SMCO2: variants seen among roughly 807,000 people sequenced by gnomAD.
The protein encoded by SMCO2 is single-pass membrane and coiled-coil domain-containing protein 2.
SMCO2 carries 25 observed loss-of-function variants against 29.5 expected under a neutral mutation model. The ratio of observed to expected loss-of-function variants is 0.85; its 90% CI spans 0.62 to 1.18. The LOEUF is 1.18. Ranked by LOEUF, SMCO2 falls within the 50% of genes most tolerant of loss-of-function variation. The pLI, the probability that SMCO2 is intolerant of heterozygous loss-of-function variation, is 0.00. For synonymous variants in SMCO2, 117 were observed against 123.3 expected, an observed-to-expected ratio of 0.95 and a Z score of 0.34; for missense variants, 348 against 344.5, an observed-to-expected ratio of 1.01 and a Z score of -0.08.
chr12:27,430,607 G>A, the SMCO2 span, among the ~76,000 whole-genome samples: 1 of 152,134 alleles, frequency 6.6e-6, no homozygotes, highest in South Asian at 2.1e-4. Flanking sequence ...TTTATTCTTG[G>A]AACCATCTGC....
intron 1 of SMCO2, among the ~76,000 whole-genome samples, chr12:27,469,647 C>T (rs1335133861): frequency 6.6e-6 from 1 of 152,202 alleles, no homozygotes; most frequent in East Asian, 1.9e-4. Context: ...CTTGAATATA[C>T]AGAAGAGAAG....
chr12:27,497,732 CAA>C (rs544348765), intron 7 of SMCO2: 677 of 89,062 alleles, frequency 7.6e-3, no homozygotes, highest in Middle Eastern at 0.024. Flanking sequence ...GACCTGGTCT[CAA>C]AAAAAAAAAA....
At chr12:27,428,366 G>A in the SMCO2 span, among the ~76,000 whole-genome samples, 27 of 152,160 alleles carry the variant, frequency 1.8e-4, no homozygotes, top group African/African-American at 6.5e-4. Context: ...GATGGAGCTG[G>A]TTAGGTCAGA....
At chr12:27,462,974 C>A (rs1259817962), upstream of SMCO2, among the ~76,000 whole-genome samples, 1 of 152,156 alleles carries the variant, frequency 6.6e-6, no homozygotes. Context: ...CAGGGGGTGG[C>A]CTGGTGGCTG....
chr12:27,495,488 C>T (rs1190141726), intron 6 of SMCO2, among the ~76,000 whole-genome samples, 192 bp from the exon 8 acceptor site: 1 of 150,506 alleles, frequency 6.6e-6, no homozygotes, highest in East Asian at 1.9e-4. Flanking sequence ...CGTAGTGCTA[C>T]CTTACACTGT....
the SMCO2 span, among the ~76,000 whole-genome samples, chr12:27,448,058 A>G: frequency 1.3e-5 from 2 of 152,228 alleles, no homozygotes; most frequent in South Asian, 2.1e-4. Context: ...TACCTGACAC[A>G]TAGCAGATGC....
At chr12:27,502,164 A>G (rs1943089302) in exon 8 of SMCO2, 1 of 1,417,292 alleles carries the variant, frequency 7.1e-7, no homozygotes, top group South Asian at 1.5e-5. Flanking sequence ...TCTCACCAGT[A>G]AACATTGTGG....
the SMCO2 span, among the ~76,000 whole-genome samples, chr12:27,430,674 A>G: frequency 6.6e-6 from 1 of 152,182 alleles, no homozygotes. Context: ...AATAAGAATA[A>G]AATCGAACCT....
the SMCO2 span, among the ~76,000 whole-genome samples, chr12:27,436,049 C>T: frequency 3.3e-5 from 5 of 152,214 alleles, no homozygotes; most frequent in African/African-American, 1.2e-4. Context: ...GGTTCATAGA[C>T]AACTGTCTTC....
At chr12:27,459,664 G>T in the SMCO2 span, among the ~76,000 whole-genome samples, 1 of 152,148 alleles carries the variant, frequency 6.6e-6, no homozygotes, top group Non-Finnish European at 1.5e-5. Context: ...TTTGGACAGG[G>T]ACCGTGATTC....
chr12:27,478,001 T>A (rs1376603403), intron 4 of SMCO2, among the ~76,000 whole-genome samples: 1 of 152,210 alleles, frequency 6.6e-6, no homozygotes, highest in Non-Finnish European at 1.5e-5. Context: ...CTTACATTGA[T>A]ATCTATACAT....
At chr12:27,501,183 G>A (rs1422582614) in intron 7 of SMCO2, among the ~76,000 whole-genome samples, 5 of 149,836 alleles carry the variant, frequency 3.3e-5, no homozygotes, top group South Asian at 2.1e-4. Context: ...TTGGGAGGCC[G>A]AGGCGGGCGG....
At position 27,494,261 on chromosome 12, in the gene SMCO2, T is replaced by C. The variant is rs533520629; in HGVS notation, c.451-39T>C. The C allele has an allele frequency of 7.7e-6, 10 of 1,298,338 alleles. No individual in the cohort carries two copies. The African/African-American group carries it at 1.4e-4, about 18-fold the overall frequency. 80.4% of individuals were successfully genotyped at this position (1,298,338 alleles called of 1,614,324 possible). On this transcript the variant is annotated intron_variant, in intron 5 of 7. Transcript: ENST00000298876. ...TTTTATTGTACAAACCAGAAAAATA[T>C]AAGTTTCATTTTACCCAGAATTGTG...
chr12:27,435,582 CTCTCTCTCTCTT>C, the SMCO2 span, among the ~76,000 whole-genome samples: 4 of 148,180 alleles, frequency 2.7e-5, no homozygotes, highest in African/African-American at 9.9e-5. Flanking sequence ...CTGTCTCTGT[CTCTCTCTCTCTT>C]TCTCTCTCTC....
At chr12:27,436,550 A>T in the SMCO2 span, among the ~76,000 whole-genome samples, 3 of 152,168 alleles carry the variant, frequency 2.0e-5, no homozygotes, top group South Asian at 2.1e-4. Context: ...AGAAACGAAA[A>T]GAAGAAAACA....
intron 1 of SMCO2, among the ~76,000 whole-genome samples, chr12:27,468,099 T>C (rs1044992437): frequency 5.9e-5 from 9 of 152,174 alleles, no homozygotes; most frequent in African/African-American, 2.2e-4. Flanking sequence ...GTTAGCCCCA[T>C]TCTGCAGAGG....
chr12:27,434,897 C>T, the SMCO2 span, among the ~76,000 whole-genome samples: 5 of 152,230 alleles, frequency 3.3e-5, no homozygotes, highest in Middle Eastern at 6.8e-3. Flanking sequence ...GTCTGCTACA[C>T]GAGGCGGCAC....
the SMCO2 span, among the ~76,000 whole-genome samples, chr12:27,447,486 G>A: frequency 2.0e-5 from 3 of 152,186 alleles, no homozygotes; most frequent in Non-Finnish European, 2.9e-5. Context: ...GGCCAGGTGC[G>A]GTGGCTCACA....
chr12:27,493,103 T>G (rs1942948656), intron 5 of SMCO2, among the ~76,000 whole-genome samples: 1 of 152,210 alleles, frequency 6.6e-6, no homozygotes, highest in Non-Finnish European at 1.5e-5. Context: ...ATACCACATT[T>G]TCTCATTTAT....
Sources: allele counts gnomAD v4.1 joint callset (sites outside exome capture counted in the v4.1 genomes callset), GRCh38; gene constraint gnomAD v4.1.1; transcripts MANE v1.5; gene names NCBI Gene and HGNC (gene_info 2026-07-23, HGNC 2026-07-21).